ARHGAP6: variants seen among roughly 807,000 people sequenced by gnomAD.
ARHGAP6 encodes Rho GTPase activating protein 6, also known as rho GTPase-activating protein 6.
In ARHGAP6, 16 loss-of-function variants were observed where a neutral mutation model predicts 55.7. The observed-to-expected ratio is 0.29, with a 90% CI of 0.19 to 0.44. ARHGAP6 has a LOEUF of 0.44. Among genes scored for constraint, ARHGAP6 ranks in the 20% least tolerant of loss-of-function variants. The pLI, the probability that ARHGAP6 is intolerant of heterozygous loss-of-function variation, is 1.00. For synonymous variants in ARHGAP6, 382 were observed against 360.9 expected, an observed-to-expected ratio of 1.06 and a Z score of -0.66; for missense variants, 698 against 808.9, an observed-to-expected ratio of 0.86 and a Z score of 1.66.
At chrX:11,578,565 C>T (rs983928563) in intron 1 of ARHGAP6, among the ~76,000 whole-genome samples, 1 of 111,748 alleles carries the variant, frequency 8.9e-6, no homozygotes, top group African/African-American at 3.3e-5. Flanking sequence ...AATAGGAACG[C>T]TTTTACACTG....
At chrX:11,451,807 G>A (rs1264455700) in intron 1 of ARHGAP6, among the ~76,000 whole-genome samples, 2 of 112,201 alleles carry the variant, frequency 1.8e-5, no homozygotes, top group Non-Finnish European at 3.8e-5. Context: ...ACTCCTTGAA[G>A]GTAGAGATGA....
chrX:11,234,001 C>T (rs113427143), intron 2 of ARHGAP6, among the ~76,000 whole-genome samples: 22 of 112,265 alleles, frequency 2.0e-4, no homozygotes, highest in African/African-American at 6.5e-4. Flanking sequence ...TGGTCACCAC[C>T]GTTTATACAC....
chrX:11,560,456 G>A (rs970612826), intron 1 of ARHGAP6, among the ~76,000 whole-genome samples: 5 of 112,392 alleles, frequency 4.4e-5, no homozygotes, highest in Admixed American at 1.9e-4. Flanking sequence ...CCCAGAAGGA[G>A]GGAAAAGCCT....
intron 1 of ARHGAP6, among the ~76,000 whole-genome samples, chrX:11,580,433 A>G (rs1244102282): frequency 8.9e-6 from 1 of 111,807 alleles, no homozygotes; most frequent in African/African-American, 3.3e-5. Context: ...TCCTACATCA[A>G]TGCAAGTGCC....
At chrX:11,228,135 C>T (rs1424260425) in intron 2 of ARHGAP6, among the ~76,000 whole-genome samples, 1 of 111,435 alleles carries the variant, frequency 9.0e-6, no homozygotes, top group Non-Finnish European at 1.9e-5. Flanking sequence ...CAATGAAAAC[C>T]ACGTTATGTG....
At chrX:11,311,788 TGTGG>T (rs2048304342) in intron 1 of ARHGAP6, among the ~76,000 whole-genome samples, 1 of 111,603 alleles carries the variant, frequency 9.0e-6, no homozygotes, top group African/African-American at 3.3e-5. Flanking sequence ...ACTCGAGTGT[TGTGG>T]GTAATAGATG....
chrX:11,354,285 CTCTCTCTCTTTCTCTCT>C (rs1569311397), intron 1 of ARHGAP6, among the ~76,000 whole-genome samples: 2 of 81,703 alleles, frequency 2.4e-5, no homozygotes, highest in African/African-American at 9.5e-5. Flanking sequence ...CTCTCTCTCT[CTCTCTCTCTTTCTCTCT>C]CTCTCTCTCT....
At chrX:11,653,583 T>C (rs978136628) in intron 1 of ARHGAP6, among the ~76,000 whole-genome samples, 1 of 112,326 alleles carries the variant, frequency 8.9e-6, no homozygotes, top group African/African-American at 3.2e-5. Flanking sequence ...TATTTAGCCT[T>C]GCACTCCTAT....
At chrX:11,593,512 C>T (rs765364035) in intron 1 of ARHGAP6, among the ~76,000 whole-genome samples, 3 of 111,827 alleles carry the variant, frequency 2.7e-5, no homozygotes, top group East Asian at 5.6e-4. Flanking sequence ...TAATGGTGGA[C>T]ACGTGTTATA....
At chrX:11,483,521 G>A (rs1465503042) in intron 1 of ARHGAP6, among the ~76,000 whole-genome samples, 2 of 111,639 alleles carry the variant, frequency 1.8e-5, no homozygotes, top group South Asian at 3.8e-4. Flanking sequence ...GCTTGGAGCT[G>A]CAATCATGAG....
chrX:11,446,449 C>T (rs906444789), intron 1 of ARHGAP6, among the ~76,000 whole-genome samples: 3 of 111,766 alleles, frequency 2.7e-5, no homozygotes, highest in African/African-American at 9.8e-5. Flanking sequence ...TGTGTTTTTT[C>T]TCCTTAATTG....
At chrX:11,558,247 C>T (rs1166690513) in intron 1 of ARHGAP6, among the ~76,000 whole-genome samples, 1 of 111,648 alleles carries the variant, frequency 9.0e-6, no homozygotes, top group Non-Finnish European at 1.9e-5. Flanking sequence ...ATCTGGGCTT[C>T]ATCGTTGACT....
intron 1 of ARHGAP6, among the ~76,000 whole-genome samples, chrX:11,459,176 A>C (rs754019991): frequency 2.7e-5 from 3 of 111,963 alleles, no homozygotes; most frequent in Non-Finnish European, 5.6e-5. Flanking sequence ...AATAAAAAAC[A>C]CGGTAAACAT....
chrX:11,451,815 T>G (rs1231149316), intron 1 of ARHGAP6, among the ~76,000 whole-genome samples: 2 of 112,459 alleles, frequency 1.8e-5, no homozygotes, highest in African/African-American at 3.2e-5. Context: ...AAGGTAGAGA[T>G]GATGTCTTCC....
intron 2 of ARHGAP6, among the ~76,000 whole-genome samples, chrX:11,249,736 C>T (rs1373415912): frequency 8.9e-6 from 1 of 111,985 alleles, no homozygotes; most frequent in African/African-American, 3.2e-5. Flanking sequence ...AAGTTTTATG[C>T]AATAGAGAAG....
Position 11,432,515 on chromosome X carries a change from A to T in ARHGAP6, c.589-177808T>A, listed in dbSNP as rs888584294. On this transcript the variant is annotated intron_variant, in intron 1 of 12. Transcript: ENST00000337414. Reference sequence around the variant, plus strand: ...GCATGCATATCTTCAACTTTACTAGACAATGCCTAACAGTTTTCCAAACTG... The same window carrying T: ...GCATGCATATCTTCAACTTTACTAGTCAATGCCTAACAGTTTTCCAAACTG... Among the ~76,000 whole-genome samples, 5 of 112,436 alleles carry T rather than the reference A, an allele frequency of 4.4e-5. No individual in the cohort carries two copies. In the Admixed American group the frequency reaches 4.7e-4, roughly 11 times the overall value.
At chrX:11,553,619 G>A (rs1042227949) in intron 1 of ARHGAP6, among the ~76,000 whole-genome samples, 1 of 111,941 alleles carries the variant, frequency 8.9e-6, no homozygotes, top group African/African-American at 3.3e-5. Context: ...AATTTGAAAA[G>A]CAGAGCATTT....
At chrX:11,287,947 C>T (rs1301564555) in intron 1 of ARHGAP6, among the ~76,000 whole-genome samples, 3 of 112,542 alleles carry the variant, frequency 2.7e-5, no homozygotes, top group Non-Finnish European at 5.6e-5. Context: ...GGGTTCCTGC[C>T]AGCTAGCTAA....
chrX:11,297,489 T>C (rs1392892928), intron 1 of ARHGAP6, among the ~76,000 whole-genome samples: 2 of 112,389 alleles, frequency 1.8e-5, no homozygotes, highest in African/African-American at 3.2e-5. Flanking sequence ...TGAAAAGTGC[T>C]TTGTCAAGTA....
Sources: gnomAD v4.1 joint callset for allele counts (sites outside exome capture counted in the v4.1 genomes callset) on GRCh38, gnomAD v4.1.1 for gene constraint, MANE v1.5 for transcripts, NCBI Gene and HGNC (gene_info 2026-07-23, HGNC 2026-07-21) for gene names.